THSD7B: variants seen among roughly 807,000 people sequenced by gnomAD.
THSD7B encodes the protein thrombospondin type-1 domain-containing protein 7B.
Under a neutral mutation model 213.6 loss-of-function variants are expected in THSD7B, and 138 were observed. The observed-to-expected ratio is 0.65, with a 90% CI of 0.56 to 0.74. THSD7B has a LOEUF of 0.74. Ranked by LOEUF, THSD7B falls within the 30% of genes least tolerant of loss-of-function variation. The pLI, the probability that THSD7B is intolerant of heterozygous loss-of-function variation, is 0.00. For missense variants in THSD7B, 1,931 were observed against 1,991.5 expected, an observed-to-expected ratio of 0.97 and a Z score of 0.58; for synonymous variants, 742 against 687.0, an observed-to-expected ratio of 1.08 and a Z score of -1.25.
chr2:137,163,518 T>A (rs1015581788), intron 6 of THSD7B, among the ~76,000 whole-genome samples: 3 of 151,938 alleles, frequency 2.0e-5, no homozygotes, highest in Non-Finnish European at 4.4e-5. Context: ...ACATTGGGAG[T>A]AATGTGTTCC....
intron 12 of THSD7B, among the ~76,000 whole-genome samples, chr2:137,394,037 G>A (rs367971195): frequency 0.082 from 10,443 of 127,704 alleles, 1,215 homozygotes; most frequent in African/African-American, 0.22. Flanking sequence ...ATTTGTTTGA[G>A]TTCATTGTAG....
intron 10 of THSD7B, among the ~76,000 whole-genome samples, chr2:137,259,782 G>A (rs1682398326): frequency 6.6e-6 from 1 of 152,094 alleles, no homozygotes; most frequent in African/African-American, 2.4e-5. Flanking sequence ...TTGAGGTCAG[G>A]AATAATTTCT....
At chr2:137,168,356 A>G (rs139527276) in intron 6 of THSD7B, among the ~76,000 whole-genome samples, 267 of 152,320 alleles carry the variant, frequency 1.8e-3, no homozygotes, top group Non-Finnish European at 2.5e-3. Flanking sequence ...GCAATTGTCT[A>G]TCTTTCAGAA....
Position 137,089,291 on chromosome 2 carries a change from TATATATGTGTGTGTATATGTATATATAC to T in THSD7B, c.951-5529_951-5502del, listed in dbSNP as rs778931434. Among the ~76,000 whole-genome samples, 662 of 124,068 alleles carry T rather than the reference TATATATGTGTGTGTATATGTATATATAC, an allele frequency of 5.3e-3. 4 individuals carry two copies. The highest frequency in any genetic ancestry group is 0.019 in the African/African-American group (435 of 23,290). The allele number at this position is 124,068 out of a possible 152,430, so 81.4% of individuals were successfully genotyped here. ...GTGTGTGTGTATATGTATATATACA[TATATATGTGTGTGTATATGTATATATAC>T]ATATATGTGTGTGTATATGTATATA... On this transcript the variant is annotated intron_variant, in intron 3 of 27. Coordinates refer to ENST00000409968, the MANE Select transcript of THSD7B (RefSeq NM_001316349.2).
chr2:136,933,106 C>CCCTTCCTTCCTTCCTT (rs1409957040), intron 2 of THSD7B, among the ~76,000 whole-genome samples: 19 of 98,978 alleles, frequency 1.9e-4, no homozygotes, highest in South Asian at 3.3e-4. Context: ...ATTTTGCCCG[C>CCCTTCCTTCCTTCCTT]CATTCCTTCC....
chr2:136,870,709 C>G (rs1683418122), intron 1 of THSD7B, among the ~76,000 whole-genome samples: 2 of 152,052 alleles, frequency 1.3e-5, no homozygotes, highest in Non-Finnish European at 2.9e-5. Flanking sequence ...GCTTGAGGAA[C>G]AAGAAAGAGG....
chr2:137,001,288 T>G (rs1003770998), intron 2 of THSD7B, among the ~76,000 whole-genome samples: 9 of 152,160 alleles, frequency 5.9e-5, no homozygotes, highest in Non-Finnish European at 1.3e-4. Context: ...CTGAATTCTA[T>G]GTATAATGAA....
At chr2:137,019,573 T>C (rs1433959080) in intron 2 of THSD7B, among the ~76,000 whole-genome samples, 3 of 152,236 alleles carry the variant, frequency 2.0e-5, no homozygotes, top group African/African-American at 7.2e-5. Context: ...CATTTCCATA[T>C]CGCCAGCCTA....
chr2:137,029,113 C>T (rs1213524228), intron 2 of THSD7B, among the ~76,000 whole-genome samples: 1 of 117,614 alleles, frequency 8.5e-6, no homozygotes, highest in Non-Finnish European at 1.6e-5. Flanking sequence ...GAGTCTTGCT[C>T]TGTTGCCCAT....
chr2:136,786,486 C>T (rs1681851030), intron 1 of THSD7B, among the ~76,000 whole-genome samples: 1 of 152,024 alleles, frequency 6.6e-6, no homozygotes, highest in African/African-American at 2.4e-5. Flanking sequence ...GTTCAGTTTT[C>T]CTGTGAAATA....
chr2:137,276,013 G>A lies in THSD7B; in HGVS notation c.2487G>A (p.Gly829=), dbSNP rs374521746. 4.3e-6 allele frequency: 7 copies of A among 1,610,546 alleles called. No individual in the cohort carries two copies. Among genetic ancestry groups the A allele is most frequent in the African/African-American group, 1.3e-5 (1 of 74,708 alleles). ...GCAGCAGTGAAGCCTGTGGAAAGGG[G>A]TTACAAACAAGAGGTATGATGATTT... ...ITGSSEACGK[G]LQTRAVSCIS... is the part of the protein sequence containing the mutation. The change falls in exon 12 of 28, where the codon GGG becomes GGA. Residue 829 remains glycine (G), a synonymous_variant. Coordinates refer to ENST00000409968, the MANE Select transcript of THSD7B (RefSeq NM_001316349.2).
chr2:137,446,638 A>G (rs986646185), intron 14 of THSD7B, among the ~76,000 whole-genome samples: 2 of 152,056 alleles, frequency 1.3e-5, no homozygotes, highest in Non-Finnish European at 2.9e-5. Flanking sequence ...CTAATTCTAT[A>G]TGCATACTGA....
intron 1 of THSD7B, among the ~76,000 whole-genome samples, chr2:136,826,643 C>T (rs1216518176): frequency 6.6e-6 from 1 of 151,672 alleles, no homozygotes; most frequent in Non-Finnish European, 1.5e-5. Flanking sequence ...ATTCTTCATT[C>T]ATGATGCCTG....
chr2:137,047,669 C>A (rs980880631), intron 2 of THSD7B, among the ~76,000 whole-genome samples: 5 of 152,148 alleles, frequency 3.3e-5, no homozygotes, highest in African/African-American at 1.2e-4. Flanking sequence ...ATCATCTCAA[C>A]AATGCCAGGT....
chr2:137,189,048 G>A (rs1184771456), intron 7 of THSD7B, among the ~76,000 whole-genome samples: 1 of 152,092 alleles, frequency 6.6e-6, no homozygotes, highest in South Asian at 2.1e-4. Flanking sequence ...TCCAAGCCTA[G>A]AGCCACCATA....
intron 4 of THSD7B, among the ~76,000 whole-genome samples, chr2:137,114,372 G>A (rs1185772631): frequency 2.8e-4 from 43 of 152,188 alleles, no homozygotes; most frequent in East Asian, 5.8e-4. Flanking sequence ...GAATGTAGTA[G>A]TGTGATAGTT....
chr2:136,780,465 G>A (rs1681719668), intron 1 of THSD7B, among the ~76,000 whole-genome samples: 1 of 152,164 alleles, frequency 6.6e-6, no homozygotes, highest in African/African-American at 2.4e-5. Context: ...AGCTCTGTGT[G>A]CGTGTGCATG....
intron 2 of THSD7B, among the ~76,000 whole-genome samples, chr2:136,891,135 A>G (rs1337591835): frequency 6.6e-6 from 1 of 151,844 alleles, no homozygotes; most frequent in African/African-American, 2.4e-5. Context: ...TCATAGATGT[A>G]GTGACTTTTC....
chr2:137,546,974 C>A (rs116453321), intron 15 of THSD7B, among the ~76,000 whole-genome samples: 1 of 151,884 alleles, frequency 6.6e-6, no homozygotes, highest in Non-Finnish European at 1.5e-5. Context: ...TGTGAAGAGC[C>A]GGAAAGGTCT....
Sources: allele counts gnomAD v4.1 joint callset (sites outside exome capture counted in the v4.1 genomes callset), GRCh38; gene constraint gnomAD v4.1.1; transcripts MANE v1.5; gene names NCBI Gene and HGNC (gene_info 2026-07-23, HGNC 2026-07-21).